The following SYNJ2 variants were observed in gnomAD, a reference collection of about 807,000 sequenced individuals.
SYNJ2 encodes the protein polyphosphatidylinositol phosphatase SYNJ2.
A neutral mutation model predicts 141.3 loss-of-function variants in SYNJ2; 116 were observed. The observed-to-expected ratio is 0.82, with a 90% CI of 0.71 to 0.96. The LOEUF is 0.96. Among genes scored for constraint, SYNJ2 ranks in the 40% least tolerant of loss-of-function variants. SYNJ2 has a pLI of 0.00. For missense variants in SYNJ2, 1,873 were observed against 1,934.8 expected, an observed-to-expected ratio of 0.97 and a Z score of 0.60; for synonymous variants, 745 against 777.7, an observed-to-expected ratio of 0.96 and a Z score of 0.70.
chr6:158,050,980 CTGACTGATAGTGCAGTTTATA>C (rs1203354581), intron 5 of SYNJ2, among the ~76,000 whole-genome samples: 1 of 152,010 alleles, frequency 6.6e-6, no homozygotes, highest in Non-Finnish European at 1.5e-5. Context: ...GAATGGACTG[CTGACTGATAGTGCAGTTTATA>C]TGTTAACGGG....
intron 23 of SYNJ2, among the ~76,000 whole-genome samples, chr6:158,087,743 G>A (rs772571759): frequency 5.3e-5 from 8 of 152,090 alleles, no homozygotes; most frequent in Non-Finnish European, 1.0e-4. Flanking sequence ...CATAAGTCAT[G>A]TATTATTGTG....
At chr6:157,996,983 A>G (rs1455764643) in intron 1 of SYNJ2, among the ~76,000 whole-genome samples, 1 of 151,960 alleles carries the variant, frequency 6.6e-6, no homozygotes, top group African/African-American at 2.4e-5. Flanking sequence ...TAGTACACCA[A>G]GGGTTGGCCT....
At chr6:157,991,521 A>AAG (rs141557831) in intron 1 of SYNJ2, among the ~76,000 whole-genome samples, 2 of 151,722 alleles carry the variant, frequency 1.3e-5, no homozygotes, top group East Asian at 3.9e-4. Flanking sequence ...CAGTGGGGGA[A>AAG]TTTAGTTAAT....
Position 158,070,792 on chromosome 6 carries a change from G to T in SYNJ2, c.1941-810G>T, listed in dbSNP as rs1256752496. Among the ~76,000 whole-genome samples, 1 of 152,134 alleles carries T rather than the reference G, an allele frequency of 6.6e-6. No homozygotes were observed. Among genetic ancestry groups the T allele is most frequent in the Non-Finnish European group, 1.5e-5 (1 of 68,030 alleles). ...TATGGACTCGTATGCGTCATAAGTGGGCATTTGAATGCAAGCAGGCTCTGG... is the reference window on the plus strand; with the variant it reads ...TATGGACTCGTATGCGTCATAAGTGTGCATTTGAATGCAAGCAGGCTCTGG... On this transcript the variant is annotated intron_variant, in intron 14 of 26. Coordinates refer to ENST00000355585, the MANE Select transcript of SYNJ2 (RefSeq NM_003898.4). The surrounding 1 kb of genome is among the most constrained non-coding windows in gnomAD (Gnocchi z 4.0).
At chr6:158,048,101 C>T (rs886542871) in intron 5 of SYNJ2, among the ~76,000 whole-genome samples, 4 of 152,166 alleles carry the variant, frequency 2.6e-5, no homozygotes, top group African/African-American at 7.2e-5. Flanking sequence ...ATTCACTGAG[C>T]GTCTGCCAGG....
rs1444209816 is a variant in SYNJ2, at chr6:158,027,185, A to G, written c.215-1571A>G. 18 of 985,052 alleles carry G rather than the reference A, an allele frequency of 1.8e-5. No individual in the cohort carries two copies. Among genetic ancestry groups the G allele is most frequent in the Non-Finnish European group, 2.0e-5 (17 of 829,868 alleles). 61.0% of individuals were successfully genotyped at this position (985,052 alleles called of 1,614,324 possible). A position where few individuals can be genotyped will look rare whatever the true frequency, so the allele number is the denominator to read the frequency against. On this transcript the variant is annotated intron_variant, in intron 2 of 26. Transcript: ENST00000355585. The surrounding 1 kb of genome is among the most constrained non-coding windows in gnomAD (Gnocchi z 4.6). ...AGTGTGGTGAGGAAATTGGGGTGAG[A>G]GGGTGGTGGAACTGGTTGTTTTGGG... is the stretch of plus-strand genomic sequence containing the variant.
At chr6:158,021,013 G>T (rs571611450) in intron 2 of SYNJ2, among the ~76,000 whole-genome samples, 1 of 152,166 alleles carries the variant, frequency 6.6e-6, no homozygotes, top group Non-Finnish European at 1.5e-5. Flanking sequence ...TGGAGCTCCC[G>T]TGATTAGCCA....
At chr6:158,041,989 G>A (rs1480314585) in intron 4 of SYNJ2, among the ~76,000 whole-genome samples, 2 of 152,222 alleles carry the variant, frequency 1.3e-5, no homozygotes, top group South Asian at 2.1e-4. Context: ...TGGTGGGACC[G>A]TAGGCGTGAG....
At chr6:158,020,688 A>G (rs1778721149) in intron 2 of SYNJ2, among the ~76,000 whole-genome samples, 1 of 151,098 alleles carries the variant, frequency 6.6e-6, no homozygotes, top group African/African-American at 2.4e-5. Flanking sequence ...GTGTGACTCC[A>G]TGTATGTGAC....
chr6:158,028,658 C>T, intron 2 of SYNJ2, 98 bp from the exon 3 acceptor site: 1 of 1,516,994 alleles, frequency 6.6e-7, no homozygotes, highest in Admixed American at 2.0e-5. Context: ...CGTTGCCTTC[C>T]TGGCTGCGGT....
chr6:158,066,673 G>T, intron 12 of SYNJ2, 38 bp downstream of exon 12: 9 of 1,604,962 alleles, frequency 5.6e-6, no homozygotes, highest in Non-Finnish European at 7.6e-6. Context: ...AAATCCAATT[G>T]CACCTAACCT....
chr6:157,985,569 T>C (rs1160174273), intron 1 of SYNJ2, among the ~76,000 whole-genome samples: 2 of 152,222 alleles, frequency 1.3e-5, no homozygotes, highest in Non-Finnish European at 2.9e-5. Context: ...CAAACAGATG[T>C]TCCCTTATTT....
intron 4 of SYNJ2, among the ~76,000 whole-genome samples, chr6:158,038,466 G>T (rs915689727): frequency 1.3e-5 from 2 of 152,230 alleles, no homozygotes; most frequent in Admixed American, 6.5e-5. Flanking sequence ...CCCCAGGAAG[G>T]TGGCCCTACA....
At chr6:157,999,128 A>G (rs1355433524) in intron 1 of SYNJ2, among the ~76,000 whole-genome samples, 1 of 152,268 alleles carries the variant, frequency 6.6e-6, no homozygotes, top group African/African-American at 2.4e-5. Flanking sequence ...CAACAGAGAA[A>G]TTGGCAAAGG....
intron 1 of SYNJ2, among the ~76,000 whole-genome samples, chr6:157,996,068 A>C (rs1777620822): frequency 6.6e-6 from 1 of 152,222 alleles, no homozygotes; most frequent in Non-Finnish European, 1.5e-5. Context: ...ATTAAATTCC[A>C]ACAAGAGCCT....
intron 1 of SYNJ2, among the ~76,000 whole-genome samples, chr6:158,016,075 T>G (rs1056171743): frequency 6.6e-6 from 1 of 152,172 alleles, no homozygotes; most frequent in African/African-American, 2.4e-5. Flanking sequence ...ACATCTACTT[T>G]CTGTCTCTAG....
chr6:158,013,491 G>A (rs1778341999), intron 1 of SYNJ2, among the ~76,000 whole-genome samples: 2 of 152,212 alleles, frequency 1.3e-5, no homozygotes, highest in Admixed American at 1.3e-4. Flanking sequence ...CAGGTGAAGA[G>A]CCCTTGTACA....
intron 23 of SYNJ2, among the ~76,000 whole-genome samples, chr6:158,087,352 T>C (rs1056635104): frequency 6.6e-6 from 1 of 152,194 alleles, no homozygotes; most frequent in Non-Finnish European, 1.5e-5. Context: ...CAGTCCTCCC[T>C]CTACTTATGA....
rs1044710639 is a variant in SYNJ2, at chr6:158,040,190, A to C, written c.712-3126A>C. 6.6e-6 allele frequency among the ~76,000 whole-genome samples: 1 copy of C among 151,976 alleles called. No individual in the cohort carries two copies. The highest frequency in any genetic ancestry group is 6.6e-5 in the Admixed American group (1 of 15,250). ...GTGTGTGTGCATGGGTTGTATGTGT[A>C]CAGTGTGTGCGTGGTATGTGCATTT... is the stretch of plus-strand genomic sequence containing the variant. On this transcript the variant is annotated intron_variant, in intron 4 of 26. Transcript: ENST00000355585. This position sits in a 1 kb window ranked among gnomAD's most constrained non-coding sequence, Gnocchi z 4.2.
Sources: allele counts gnomAD v4.1 joint callset (sites outside exome capture counted in the v4.1 genomes callset), GRCh38; gene constraint gnomAD v4.1.1; non-coding constraint Gnocchi (gnomAD v3.1); transcripts MANE v1.5; gene names NCBI Gene and HGNC (gene_info 2026-07-23, HGNC 2026-07-21).